HS3ST4: variants seen among roughly 807,000 people sequenced by gnomAD.
The protein encoded by HS3ST4 is heparan sulfate-glucosamine 3-sulfotransferase 4.
A neutral mutation model predicts 29.2 loss-of-function variants in HS3ST4; 17 were observed. That is an observed-to-expected ratio of 0.58 (90% CI 0.40 to 0.87). The LOEUF is 0.87. Ranked by LOEUF, HS3ST4 falls within the 40% of genes least tolerant of loss-of-function variation. The pLI, the probability that HS3ST4 is intolerant of heterozygous loss-of-function variation, is 0.00. For synonymous variants in HS3ST4, 314 were observed against 285.7 expected (o/e 1.10, Z -1.00); for missense variants, 627 against 634.5 (o/e 0.99, Z 0.13).
intron 1 of HS3ST4, among the ~76,000 whole-genome samples, chr16:25,753,418 A>G (rs1324855966): frequency 6.6e-6 from 1 of 152,218 alleles, no homozygotes; most frequent in African/African-American, 2.4e-5. Context: ...GATGGCCAGA[A>G]TGGCCTCACA....
Position 25,963,583 on chromosome 16 carries a change from C to A in HS3ST4, c.735-172029C>A, listed in dbSNP as rs200026883. On this transcript the variant is annotated intron_variant, in intron 1 of 1. Transcript: ENST00000331351. ...CATTCCTCGACAGAACAAATATCTTCAATGATTTTGACACAACAGCATGTA... is the reference window on the plus strand; with the variant it reads ...CATTCCTCGACAGAACAAATATCTTAAATGATTTTGACACAACAGCATGTA... 2.0e-5 allele frequency among the ~76,000 whole-genome samples: 3 copies of A among 152,344 alleles called. No homozygotes were observed. In the East Asian group the frequency reaches 5.8e-4, roughly 29 times the overall value.
At position 26,126,911 on chromosome 16, in the gene HS3ST4, T is replaced by C. The variant is rs376684594; in HGVS notation, c.735-8701T>C. On this transcript the variant is annotated intron_variant, in intron 1 of 1. Coordinates refer to ENST00000331351, the MANE Select transcript of HS3ST4 (RefSeq NM_006040.3). ...TGGGTTTGTCTAGGATGCTCTAACA[T>C]CTTTTTTAGTCCACAAAATAGAGAA... Among the ~76,000 whole-genome samples, 72 of 152,218 alleles carry C rather than the reference T, an allele frequency of 4.7e-4. 2 individuals are homozygous for C. In the South Asian group the frequency reaches 0.015, roughly 31 times the overall value.
At chr16:26,011,333 G>A (rs1316298264) in intron 1 of HS3ST4, among the ~76,000 whole-genome samples, 3 of 151,846 alleles carry the variant, frequency 2.0e-5, no homozygotes, top group African/African-American at 7.3e-5. Context: ...GCCAAGGCAG[G>A]CAGATCACCT....
At chr16:25,754,839 A>G (rs757909500) in intron 1 of HS3ST4, among the ~76,000 whole-genome samples, 13 of 151,246 alleles carry the variant, frequency 8.6e-5, no homozygotes, top group African/African-American at 1.5e-4. Flanking sequence ...GACATAACCA[A>G]ACCATATCAC....
intron 1 of HS3ST4, among the ~76,000 whole-genome samples, chr16:25,816,862 C>G (rs1967097174): frequency 2.0e-5 from 3 of 152,134 alleles, no homozygotes; most frequent in Admixed American, 6.5e-5. Context: ...GCTGAATGTT[C>G]TAGCCTAGGT....
intron 1 of HS3ST4, among the ~76,000 whole-genome samples, chr16:25,995,320 G>A (rs1016172897): frequency 6.6e-6 from 1 of 152,162 alleles, no homozygotes; most frequent in African/African-American, 2.4e-5. Flanking sequence ...ATTTGCTGCA[G>A]GTATGGCTGT....
chr16:26,002,685 G>GA (rs141578863), intron 1 of HS3ST4, among the ~76,000 whole-genome samples: 28,894 of 128,900 alleles, frequency 0.22, 3,046 homozygotes, highest in Admixed American at 0.27. Flanking sequence ...AAGAGATAGA[G>GA]AAAAAAGAAG....
intron 1 of HS3ST4, among the ~76,000 whole-genome samples, chr16:25,720,902 C>T (rs897434223): frequency 2.2e-4 from 34 of 152,200 alleles, no homozygotes; most frequent in African/African-American, 8.0e-4. Context: ...TCTGTCTCAT[C>T]TTGGACTACT....
rs756219819 is a variant in HS3ST4, at chr16:26,135,704, C to G, written c.827C>G (p.Ser276Cys). ...VTNEAPKRIH[S>C]MAKDIKLIVV... ...AATGAGGCTCCCAAGCGCATTCACTCCATGGCCAAGGACATCAAACTGATT... is the reference window on the plus strand; with the variant it reads ...AATGAGGCTCCCAAGCGCATTCACTGCATGGCCAAGGACATCAAACTGATT... Residue 276 changes from serine to cysteine, a missense_variant, in exon 2 of 2, where the codon TCC becomes TGC. Transcript: ENST00000331351. The G allele has an allele frequency of 1.2e-6, 2 of 1,614,110 alleles. No individual in the cohort carries two copies. Among genetic ancestry groups the G allele is most frequent in the South Asian group, 2.2e-5 (2 of 91,082 alleles).
At chr16:25,861,806 G>T (rs1396248993) in intron 1 of HS3ST4, among the ~76,000 whole-genome samples, 2 of 152,084 alleles carry the variant, frequency 1.3e-5, no homozygotes, top group African/African-American at 2.4e-5. Context: ...GCTTAGTTTT[G>T]TTAGTTTTTG....
chr16:25,945,121 A>G (rs534255002), intron 1 of HS3ST4, among the ~76,000 whole-genome samples: 1 of 152,326 alleles, frequency 6.6e-6, no homozygotes, highest in South Asian at 2.1e-4. Flanking sequence ...TTAACCATTT[A>G]TAGTATAATG....
At chr16:26,040,545 T>C (rs1969628485) in intron 1 of HS3ST4, among the ~76,000 whole-genome samples, 2 of 152,084 alleles carry the variant, frequency 1.3e-5, no homozygotes, top group South Asian at 4.2e-4. Context: ...CCTCAGGTGA[T>C]CCACCCGCCT....
intron 1 of HS3ST4, among the ~76,000 whole-genome samples, chr16:25,734,290 C>T (rs947426698): frequency 3.3e-5 from 5 of 152,190 alleles, no homozygotes; most frequent in African/African-American, 1.2e-4. Context: ...TACATTGCCA[C>T]AAGTATGTAA....
intron 1 of HS3ST4, among the ~76,000 whole-genome samples, chr16:25,735,430 C>A (rs746621358): frequency 6.6e-6 from 1 of 151,704 alleles, no homozygotes; most frequent in South Asian, 2.1e-4. Context: ...TATTTGTCAC[C>A]CAGGCTAGAG....
intron 1 of HS3ST4, among the ~76,000 whole-genome samples, chr16:25,695,292 G>A (rs1354559647): frequency 1.3e-5 from 2 of 152,172 alleles, no homozygotes; most frequent in African/African-American, 4.8e-5. Context: ...CCAGCATCTA[G>A]TCCAGGGGTG....
chr16:26,039,919 T>G (rs1010260899), intron 1 of HS3ST4, among the ~76,000 whole-genome samples: 2 of 152,202 alleles, frequency 1.3e-5, no homozygotes, highest in African/African-American at 4.8e-5. Flanking sequence ...TTAGATGGTT[T>G]TCATTATTGC....
chr16:26,049,676 T>C lies in HS3ST4; in HGVS notation c.735-85936T>C, dbSNP rs1315847767. 2.0e-5 allele frequency among the ~76,000 whole-genome samples: 3 copies of C among 152,102 alleles called. No individual in the cohort carries two copies. In the South Asian group the frequency reaches 6.2e-4, roughly 32 times the overall value. On this transcript the variant is annotated intron_variant, in intron 1 of 1. Coordinates refer to ENST00000331351, the MANE Select transcript of HS3ST4 (RefSeq NM_006040.3). ...GACCACCAATTCCATTCTGACACCA[T>C]CTACCTGGAGATAGCGTCAGATTCC...
At chr16:25,985,371 T>G (rs1013712249) in intron 1 of HS3ST4, among the ~76,000 whole-genome samples, 1 of 152,154 alleles carries the variant, frequency 6.6e-6, no homozygotes, top group African/African-American at 2.4e-5. Context: ...GGTGGTTGCT[T>G]GCAGTTCTGT....
At chr16:25,828,278 T>TTCCCTCTC (rs1967248469) in intron 1 of HS3ST4, among the ~76,000 whole-genome samples, 1 of 87,784 alleles carries the variant, frequency 1.1e-5, no homozygotes, top group Non-Finnish European at 2.3e-5. Flanking sequence ...CTTTCTTTCT[T>TTCCCTCTC]TCTTTCTTTC....
Sources: allele counts gnomAD v4.1 joint callset (sites outside exome capture counted in the v4.1 genomes callset), GRCh38; gene constraint gnomAD v4.1.1; transcripts MANE v1.5; gene names NCBI Gene and HGNC (gene_info 2026-07-23, HGNC 2026-07-21).